MPZL1: variants seen among roughly 807,000 people sequenced by gnomAD.
MPZL1 encodes the protein myelin protein zero-like protein 1.
A neutral mutation model predicts 29.3 loss-of-function variants in MPZL1; 16 were observed. The ratio of observed to expected loss-of-function variants is 0.55; its 90% CI spans 0.37 to 0.83. The LOEUF (loss-of-function observed/expected upper bound fraction) is 0.83. Among genes scored for constraint, MPZL1 ranks in the 40% least tolerant of loss-of-function variants. MPZL1 has a pLI of 0.00. For missense variants in MPZL1, 279 were observed against 332.9 expected (o/e 0.84, Z 1.26); for synonymous variants, 143 against 132.0 (o/e 1.08, Z -0.57).
chr1:167,724,842 AG>A (rs1434265612), intron 1 of MPZL1, among the ~76,000 whole-genome samples: 1 of 152,164 alleles, frequency 6.6e-6, no homozygotes, highest in African/African-American at 2.4e-5. Context: ...TGTTTGGATG[AG>A]GGCATCCAGG....
chr1:167,782,385 A>C lies in MPZL1; in HGVS notation c.709-5435A>C, dbSNP rs141697814. ...GTTTTTGTTTCTATATTTCTTGCTA[A>C]TGGTGGCTATTTTCTCATCTCATGG... On this transcript the variant is annotated intron_variant, in intron 5 of 5. Transcript: ENST00000359523. Among the ~76,000 whole-genome samples, 694 of 152,260 alleles carry C rather than the reference A, an allele frequency of 4.6e-3. 6 individuals carry two copies. The highest frequency in any genetic ancestry group is 0.016 in the African/African-American group (652 of 41,550).
chr1:167,751,628 A>G (rs1660759794), intron 1 of MPZL1, among the ~76,000 whole-genome samples: 1 of 150,502 alleles, frequency 6.6e-6, no homozygotes. Context: ...CCGAGATGGC[A>G]CCATTGCACT....
intron 5 of MPZL1, among the ~76,000 whole-genome samples, chr1:167,778,751 A>G (rs968398200): frequency 1.3e-5 from 2 of 152,086 alleles, no homozygotes; most frequent in African/African-American, 4.8e-5. Flanking sequence ...TGAGGAAAGA[A>G]ATAGATATCT....
intron 2 of MPZL1, among the ~76,000 whole-genome samples, chr1:167,766,314 A>G (rs1175672915): frequency 1.3e-5 from 2 of 152,200 alleles, no homozygotes; most frequent in Non-Finnish European, 2.9e-5. Flanking sequence ...GAAATACAGC[A>G]CCAGAGCATT....
At chr1:167,750,296 G>A (rs1571148264) in intron 1 of MPZL1, among the ~76,000 whole-genome samples, 1 of 152,112 alleles carries the variant, frequency 6.6e-6, no homozygotes, top group Non-Finnish European at 1.5e-5. Flanking sequence ...CGCCTCCAGG[G>A]TTCAAGCAAT....
chr1:167,742,536 A>T (rs1336290181), intron 1 of MPZL1, among the ~76,000 whole-genome samples: 2 of 152,100 alleles, frequency 1.3e-5, no homozygotes, highest in Non-Finnish European at 2.9e-5. Flanking sequence ...CAGAATAGGA[A>T]CTATAGTTTA....
rs554657864 is a variant in MPZL1 at position 167,738,432 on chromosome 1, C to T, written c.91+16190C>T. Among the ~76,000 whole-genome samples the T allele has an allele frequency of 4.6e-5, 7 of 152,172 alleles. No individual in the cohort carries two copies. In the East Asian group the frequency reaches 1.4e-3, roughly 29 times the overall value. ...ATAAGATGTCCGTGTAACTACTAAC[C>T]CCATTATTTACTGATCTCCATTGCT... is the stretch of plus-strand genomic sequence containing the variant. On this transcript the variant is annotated intron_variant, in intron 1 of 5. Transcript: ENST00000359523.
intron 2 of MPZL1, among the ~76,000 whole-genome samples, chr1:167,767,671 AG>A (rs1661144631): frequency 6.6e-6 from 1 of 152,058 alleles, no homozygotes; most frequent in Non-Finnish European, 1.5e-5. Flanking sequence ...TTACAGGAAA[AG>A]TATATTCAAA....
chr1:167,736,760 G>A (rs1301778166), intron 1 of MPZL1, among the ~76,000 whole-genome samples: 5 of 152,078 alleles, frequency 3.3e-5, no homozygotes, highest in Admixed American at 6.6e-5. Flanking sequence ...CTCCTAGATC[G>A]TCTCTCTAAT....
At position 167,758,102 on chromosome 1, in the gene MPZL1, T is replaced by G. The variant is rs552882694; in HGVS notation, c.92-7481T>G. Among the ~76,000 whole-genome samples, 130 of 151,452 alleles carry G rather than the reference T, an allele frequency of 8.6e-4. 1 individual carries two copies. Among genetic ancestry groups the G allele is most frequent in the Non-Finnish European group, 1.4e-3 (97 of 67,900 alleles). On this transcript the variant is annotated intron_variant, in intron 1 of 5. Transcript: ENST00000359523. ...CCAGAAGGTGGAGGTTGCAGTGAGTTGAGATCGCTCCACTGCACTCCAGCC... is the reference window on the plus strand; with the variant it reads ...CCAGAAGGTGGAGGTTGCAGTGAGTGGAGATCGCTCCACTGCACTCCAGCC...
Position 167,763,777 on chromosome 1 carries a change from A to G in MPZL1, c.92-1806A>G, listed in dbSNP as rs145681344. 6.6e-5 allele frequency among the ~76,000 whole-genome samples: 10 copies of G among 152,302 alleles called. No homozygotes were observed. In the East Asian group the frequency reaches 1.9e-3, roughly 29 times the overall value. On this transcript the variant is annotated intron_variant, in intron 1 of 5. Coordinates refer to ENST00000359523, the MANE Select transcript of MPZL1 (RefSeq NM_003953.6). Reference sequence around the variant, plus strand: ...ACTCTTTTGTTTGCATCTCCTCTGAAAGAAATGCTTGTTTTGAGGTTTGGA... The same window carrying G: ...ACTCTTTTGTTTGCATCTCCTCTGAGAGAAATGCTTGTTTTGAGGTTTGGA...
At chr1:167,743,904 C>A (rs1354423607) in intron 1 of MPZL1, among the ~76,000 whole-genome samples, 1 of 151,952 alleles carries the variant, frequency 6.6e-6, no homozygotes, top group African/African-American at 2.4e-5. Flanking sequence ...TTATTTCTTT[C>A]TCTTGTCTGA....
At chr1:167,759,748 G>A (rs1660942404) in intron 1 of MPZL1, among the ~76,000 whole-genome samples, 1 of 152,154 alleles carries the variant, frequency 6.6e-6, no homozygotes, top group Admixed American at 6.5e-5. Flanking sequence ...GTCTCTCATG[G>A]CATCGTGATT....
intron 2 of MPZL1, among the ~76,000 whole-genome samples, chr1:167,768,500 G>A (rs918037067): frequency 6.6e-6 from 1 of 151,852 alleles, no homozygotes; most frequent in Non-Finnish European, 1.5e-5. Flanking sequence ...GAATATGGGT[G>A]TTTTAAGAGG....
At chr1:167,767,255 A>G (rs1158845748) in intron 2 of MPZL1, among the ~76,000 whole-genome samples, 2 of 152,278 alleles carry the variant, frequency 1.3e-5, no homozygotes, top group Admixed American at 6.5e-5. Context: ...TGGCATCAGC[A>G]TAGAACATAC....
At chr1:167,777,378 A>G (rs1371984851) in intron 5 of MPZL1, among the ~76,000 whole-genome samples, 1 of 152,206 alleles carries the variant, frequency 6.6e-6, no homozygotes, top group Non-Finnish European at 1.5e-5. Context: ...TGTCATCCCC[A>G]AAAGAAAGGA....
At chr1:167,753,409 A>G (rs972323397) in intron 1 of MPZL1, among the ~76,000 whole-genome samples, 5 of 152,258 alleles carry the variant, frequency 3.3e-5, no homozygotes, top group Admixed American at 1.3e-4. Flanking sequence ...TTTCAATAAG[A>G]AATTGTCATG....
rs1048815275 is a variant in MPZL1, at chr1:167,755,247, G to A, written c.92-10336G>A. The stretch of plus-strand genomic sequence containing the variant: ...ATATTCTTATTGCCATCGACCGTAG[G>A]CGTATTCTTTCCAATCTCTTGTTCT... On this transcript the variant is annotated intron_variant, in intron 1 of 5. Transcript: ENST00000359523. Among the ~76,000 whole-genome samples the A allele has an allele frequency of 3.3e-5, 5 of 152,104 alleles. No individual in the cohort carries two copies. In the East Asian group the frequency reaches 7.7e-4, roughly 23 times the overall value.
At position 167,765,726 on chromosome 1, in the gene MPZL1, G is replaced by C; in HGVS notation, c.235G>C (p.Glu79Gln). 6.2e-7 allele frequency: 1 copy of C among 1,611,634 alleles called. No homozygotes were observed. Among genetic ancestry groups the C allele is most frequent in the Non-Finnish European group, 8.5e-7 (1 of 1,178,894 alleles). ...CTCAGTCTCCTGGAGCTTCCAGCCA[G>C]AGGGGGCCGACACTACTGTGTCGGT... is the stretch of plus-strand genomic sequence containing the variant. ...LTSVSWSFQP[E>Q]GADTTVSFFH... The change falls in exon 2 of 6, where the codon GAG (glutamate) becomes CAG (glutamine). Residue 79 changes from glutamate to glutamine, a missense_variant. Glu to Gln is a conservative substitution (Grantham distance 29). Coordinates refer to ENST00000359523, the MANE Select transcript of MPZL1 (RefSeq NM_003953.6).
Sources: allele counts gnomAD v4.1 joint callset (sites outside exome capture counted in the v4.1 genomes callset), GRCh38; gene constraint gnomAD v4.1.1; transcripts MANE v1.5; gene names NCBI Gene and HGNC (gene_info 2026-07-23, HGNC 2026-07-21).